ADAM15: variants seen among roughly 807,000 people sequenced by gnomAD.
ADAM15 encodes the protein disintegrin and metalloproteinase domain-containing protein 15.
In ADAM15, 77 loss-of-function variants were observed where a neutral mutation model predicts 113.8. That is an observed-to-expected ratio of 0.68 (90% confidence interval 0.56 to 0.82). The LOEUF is 0.82. Ranked by LOEUF, ADAM15 falls within the 40% of genes least tolerant of loss-of-function variation. The pLI, the probability that ADAM15 is intolerant of heterozygous loss-of-function variation, is 0.00. For synonymous variants in ADAM15, 388 were observed against 454.1 expected (o/e 0.85, Z 1.85); for missense variants, 963 against 1,120.1 (o/e 0.86, Z 2.00).
chr1:155,052,321 G>A, intron 1 of ADAM15: 1 of 628,018 alleles, frequency 1.6e-6, no homozygotes, highest in Non-Finnish European at 2.7e-6. Flanking sequence ...TCAGTCTCGA[G>A]AGGGGGCGTT....
rs1189816471 is a variant in ADAM15, at chr1:155,057,576, T to C, written c.1324-61T>C. The C allele has an allele frequency of 1.9e-6, 3 of 1,585,216 alleles. No individual in the cohort carries two copies. Among genetic ancestry groups the C allele is most frequent in the African/African-American group, 1.3e-5 (1 of 74,316 alleles). On this transcript the variant is annotated intron_variant, in intron 12 of 22. Coordinates refer to ENST00000356955, the MANE Select transcript of ADAM15 (RefSeq NM_207197.3). This position sits in a 1 kb window ranked among gnomAD's most constrained non-coding sequence, Gnocchi z 5.0. ...CTTGGCCTGTGGGAGGAGGAGAGAT[T>C]GGAGGGAGGCTCACAGGCCCCACCT...
intron 16 of ADAM15, 23 bp from the exon 17 acceptor site, chr1:155,059,879 A>G (rs747393788): frequency 1.9e-6 from 3 of 1,612,210 alleles, no homozygotes; most frequent in South Asian, 1.1e-5. Flanking sequence ...AGAGCTCCTC[A>G]TTGCTCGCCT....
chr1:155,052,460 T>C, intron 1 of ADAM15: 1 of 1,514,982 alleles, frequency 6.6e-7, no homozygotes, highest in Non-Finnish European at 8.8e-7. Context: ...CTTGGGGACT[T>C]GTGAATGGGT....
intron 1 of ADAM15, chr1:155,051,681 C>G (rs896797806): frequency 9.9e-5 from 45 of 455,822 alleles, no homozygotes; most frequent in Non-Finnish European, 2.3e-5. Flanking sequence ...TGCCTCCTGC[C>G]TGGTCATCCT....
intron 16 of ADAM15, among the ~76,000 whole-genome samples, chr1:155,059,123 G>A (rs1383167202): frequency 2.6e-5 from 4 of 152,076 alleles, no homozygotes; most frequent in South Asian, 2.1e-4. Flanking sequence ...GCTGGAGTGC[G>A]CTGGCGTGAT....
intron 18 of ADAM15, 104 bp from the exon 19 acceptor site, chr1:155,060,659 C>A: frequency 7.8e-7 from 1 of 1,290,092 alleles, no homozygotes; most frequent in Admixed American, 1.8e-5. Context: ...ACCTAAACCA[C>A]ACATAAGTGC....
At chr1:155,061,707 C>T in intron 20 of ADAM15, 197 bp from the exon 21 acceptor site, 1 of 774,878 alleles carries the variant, frequency 1.3e-6, no homozygotes, top group Admixed American at 2.9e-5. Flanking sequence ...CTGCAGTCGG[C>T]CAGGGACTGC....
chr1:155,053,972 G>C lies in ADAM15; in HGVS notation c.326G>C (p.Ser109Thr), dbSNP rs151073415. The change falls in exon 4 of 23, where the codon AGT becomes ACT. Residue 109 changes from serine to threonine, a missense_variant. Coordinates refer to ENST00000356955, the MANE Select transcript of ADAM15 (RefSeq NM_207197.3). ...WYQPDGTRVV[S>T]EGHTLENCCY... is the part of the protein sequence containing the mutation. ...CAGCCCGATGGCACTCGGGTGGTCA[G>C]TGAGGGACACACTTTGGTGAGTCAG... 2.5e-6 allele frequency: 4 copies of C among 1,614,214 alleles called. No homozygotes were observed. The highest frequency in any genetic ancestry group is 3.4e-6 in the Non-Finnish European group (4 of 1,180,030).
chr1:155,057,368 C>T lies in ADAM15; in HGVS notation c.1323+6C>T. ...GTGACTGTGGCTTCCTGGATGTGAG[C>T]CCCTTTCCCAAAGCCTCGCCCCACT... On this transcript the variant is annotated splice_donor_region_variant and intron_variant, in intron 12 of 22. Coordinates refer to ENST00000356955, the MANE Select transcript of ADAM15 (RefSeq NM_207197.3). This position sits in a 1 kb window ranked among gnomAD's most constrained non-coding sequence, Gnocchi z 5.0. 1 of 1,613,978 alleles carries T rather than the reference C, an allele frequency of 6.2e-7. No homozygotes were observed. The highest frequency in any genetic ancestry group is 8.5e-7 in the Non-Finnish European group (1 of 1,179,904).
chr1:155,054,483 C>T lies in ADAM15; in HGVS notation c.589C>T (p.Leu197=). The T allele has an allele frequency of 6.3e-7, 1 of 1,585,092 alleles. No homozygotes were observed. Among genetic ancestry groups the T allele is most frequent in the Non-Finnish European group, 8.6e-7 (1 of 1,162,858 alleles). ...VHTQKPPEHP[L]GQRHIRRRRD... ...CACTCAGAAGCCACCAGAGCACCCC[C>T]TGGGACAGCGCCACATTCGCCGGGT... is the stretch of plus-strand genomic sequence containing the variant. The change falls in exon 6 of 23, where the codon CTG becomes TTG. Residue 197 remains leucine (L), a synonymous_variant. Transcript: ENST00000356955.
Position 155,056,622 on chromosome 1 carries a change from G to A in ADAM15, c.999+152G>A, listed in dbSNP as rs1571612251. 1.3e-6 allele frequency: 1 copy of A among 776,938 alleles called. No individual in the cohort carries two copies. Among genetic ancestry groups the A allele is most frequent in the Non-Finnish European group, 2.1e-6 (1 of 482,678 alleles). 48.1% of individuals were successfully genotyped at this position (776,938 alleles called of 1,614,324 possible). A position where few individuals can be genotyped will look rare whatever the true frequency, so the allele number is the denominator to read the frequency against. ...ACGTGATGTGGCCTTTGCTATCAGG[G>A]AGCCCTCGCTTATGGCCAGCTAGTC... On this transcript the variant is annotated intron_variant, in intron 10 of 22. Transcript: ENST00000356955. The surrounding 1 kb of genome is among the most constrained non-coding windows in gnomAD (Gnocchi z 4.0).
At chr1:155,053,707 G>A (rs967543182) in intron 3 of ADAM15, among the ~76,000 whole-genome samples, 4 of 152,166 alleles carry the variant, frequency 2.6e-5, no homozygotes, top group African/African-American at 9.7e-5. Context: ...GCTAGTATGT[G>A]GTGAAAACCA....
chr1:155,060,079 C>T (rs1342383340), intron 17 of ADAM15, 105 bp downstream of exon 17: 1 of 1,571,850 alleles, frequency 6.4e-7, no homozygotes, highest in African/African-American at 1.3e-5. Flanking sequence ...CTGCTGGTTC[C>T]CTGAGTCTGT....
rs1662054253 is a variant in ADAM15, at chr1:155,058,163, A to C, written c.1721+8A>C. ...TGTGTCCTGCACCCCTAGGTAAGTG[A>C]GGAAACCTGGCTCCTCCTTTGGGTT... On this transcript the variant is annotated splice_region_variant and intron_variant, in intron 14 of 22. Coordinates refer to ENST00000356955, the MANE Select transcript of ADAM15 (RefSeq NM_207197.3). This position sits in a 1 kb window ranked among gnomAD's most constrained non-coding sequence, Gnocchi z 4.3. 1 of 1,611,010 alleles carries C rather than the reference A, an allele frequency of 6.2e-7. No individual in the cohort carries two copies. Among genetic ancestry groups the C allele is most frequent in the African/African-American group, 1.3e-5 (1 of 74,822 alleles).
intron 16 of ADAM15, 76 bp from the exon 17 acceptor site, chr1:155,059,826 G>C (rs1662323531): frequency 2.7e-6 from 4 of 1,496,352 alleles, no homozygotes; most frequent in Non-Finnish European, 1.9e-6. Context: ...GTAGAAATCT[G>C]AGATCTTGAA....
rs142651689 is a variant in ADAM15 at position 155,057,859 on chromosome 1, G to C, written c.1425G>C (p.Pro475=). 2.5e-6 allele frequency: 4 copies of C among 1,613,158 alleles called. No individual in the cohort carries two copies. ...GPCCQNCQLR[P]SGWQCRPTRG... is the part of the protein sequence containing the mutation. ...TCATCCACCCTCCACAGCTGCGCCC[G>C]TCTGGCTGGCAGTGTCGTCCTACCA... The change falls in exon 14 of 23, where the codon CCG becomes CCC. Residue 475 remains proline, a synonymous_variant. Coordinates refer to ENST00000356955, the MANE Select transcript of ADAM15 (RefSeq NM_207197.3). The surrounding 1 kb of genome is among the most constrained non-coding windows in gnomAD (Gnocchi z 5.0).
rs2102432503 is a variant in ADAM15, at chr1:155,062,284, C to T, written c.2464C>T (p.Leu822=). 1 of 1,471,654 alleles carries T rather than the reference C, an allele frequency of 6.8e-7. No individual in the cohort carries two copies. The highest frequency in any genetic ancestry group is 1.4e-5 in the South Asian group (1 of 71,690). The allele number at this position is 1,471,654 out of a possible 1,614,324, so 91.2% of individuals were successfully genotyped here. ...PAKPPPPRKP[L]PADPQGRCPS... Reference sequence around the variant, plus strand: ...CAAGCCCCCACCCCCAAGGAAGCCACTGCCTGCCGACCCCCAGGGCCGGTG... The same window carrying T: ...CAAGCCCCCACCCCCAAGGAAGCCATTGCCTGCCGACCCCCAGGGCCGGTG... Residue 822 remains leucine (L), a synonymous_variant, in exon 22 of 23, where the codon CTG becomes TTG. Transcript: ENST00000356955. The surrounding 1 kb of genome is among the most constrained non-coding windows in gnomAD (Gnocchi z 7.0).
At chr1:155,061,746 C>T in intron 20 of ADAM15, 158 bp from the exon 21 acceptor site, 1 of 897,198 alleles carries the variant, frequency 1.1e-6, no homozygotes, top group Non-Finnish European at 1.7e-6. Flanking sequence ...TCCCCTGAGA[C>T]ATCAGCTGGC....
Position 155,062,432 on chromosome 1 carries a change from T to A in ADAM15, c.2550-28T>A, listed in dbSNP as rs1198117004. Reference sequence around the variant, plus strand: ...GACCTGGGGGAAAGGGGCCTCTGACTCTTTTTTCTTGGCTTCCCGCAATCC... The same window carrying A: ...GACCTGGGGGAAAGGGGCCTCTGACACTTTTTTCTTGGCTTCCCGCAATCC... On this transcript the variant is annotated intron_variant, in intron 22 of 22. Transcript: ENST00000356955. The surrounding 1 kb of genome is among the most constrained non-coding windows in gnomAD (Gnocchi z 7.0). 2 of 1,613,074 alleles carry A rather than the reference T, an allele frequency of 1.2e-6. No individual in the cohort carries two copies. The highest frequency in any genetic ancestry group is 1.3e-5 in the African/African-American group (1 of 75,008).
Sources: allele counts gnomAD v4.1 joint callset (sites outside exome capture counted in the v4.1 genomes callset), GRCh38; gene constraint gnomAD v4.1.1; non-coding constraint Gnocchi (gnomAD v3.1); transcripts MANE v1.5; gene names NCBI Gene and HGNC (gene_info 2026-07-23, HGNC 2026-07-21).